The following CHN2 variants were observed in gnomAD, a reference collection of about 807,000 sequenced individuals.
The protein encoded by CHN2 is chimerin 2.
A neutral mutation model predicts 56.3 loss-of-function variants in CHN2; 35 were observed. The observed-to-expected ratio is 0.62, with a 90% CI of 0.47 to 0.82. The LOEUF is 0.82. Among genes scored for constraint, CHN2 ranks in the 40% least tolerant of loss-of-function variants. CHN2 has a pLI of 0.00. For missense variants in CHN2, 491 were observed against 580.5 expected (o/e 0.85, Z 1.58); for synonymous variants, 210 against 212.8 (o/e 0.99, Z 0.12).
rs1031785876 is a variant in CHN2, at chr7:29,296,498, T to C, written c.50-58127T>C. Among the ~76,000 whole-genome samples, 56 of 152,228 alleles carry C rather than the reference T, an allele frequency of 3.7e-4. 1 individual carries two copies. Among genetic ancestry groups the C allele is most frequent in the African/African-American group, 1.2e-3 (50 of 41,460 alleles). On this transcript the variant is annotated intron_variant, in intron 1 of 12. Coordinates refer to ENST00000222792, the MANE Select transcript of CHN2 (RefSeq NM_004067.4). Reference sequence around the variant, plus strand: ...TACTGGGTAAATGACTTGTAGTTTCTGAGTGCTGTGGAGTAAAACAATAGA... The same window carrying C: ...TACTGGGTAAATGACTTGTAGTTTCCGAGTGCTGTGGAGTAAAACAATAGA...
intron 7 of CHN2, among the ~76,000 whole-genome samples, chr7:29,493,586 G>A (rs2128564072): frequency 6.6e-6 from 1 of 152,124 alleles, no homozygotes; most frequent in Admixed American, 6.6e-5. Flanking sequence ...CCAGAAGAGT[G>A]TCTTTCCCAT....
At position 29,384,694 on chromosome 7, in the gene CHN2, C is replaced by T. The variant is rs114469954; in HGVS notation, c.145-8985C>T. ...AATATAAATAATTTTGTCAATTTGC[C>T]TTCCTCTGTTATGATATTAATACTT... On this transcript the variant is annotated intron_variant, in intron 3 of 12. Transcript: ENST00000222792. 3.9e-3 allele frequency among the ~76,000 whole-genome samples: 588 copies of T among 152,192 alleles called. 5 individuals are homozygous for T. Among genetic ancestry groups the T allele is most frequent in the African/African-American group, 0.013 (548 of 41,528 alleles).
At chr7:29,293,997 G>A (rs1442887806) in intron 1 of CHN2, among the ~76,000 whole-genome samples, 1 of 151,250 alleles carries the variant, frequency 6.6e-6, no homozygotes, top group Non-Finnish European at 1.5e-5. Context: ...CTCCCGAGTA[G>A]CTGGGACTAC....
intron 6 of CHN2, among the ~76,000 whole-genome samples, chr7:29,438,293 G>C (rs1783389047): frequency 6.6e-6 from 1 of 152,162 alleles, no homozygotes; most frequent in Non-Finnish European, 1.5e-5. Flanking sequence ...GATTCATGCA[G>C]TTCTACTTAA....
chr7:29,349,104 C>T (rs187729747), intron 1 of CHN2, among the ~76,000 whole-genome samples: 1 of 152,226 alleles, frequency 6.6e-6, no homozygotes. Context: ...AGGCATGAGA[C>T]TACACATTGT....
At position 29,310,126 on chromosome 7, in the gene CHN2, C is replaced by A. The variant is rs182390895; in HGVS notation, c.50-44499C>A. Among the ~76,000 whole-genome samples, 4 of 151,878 alleles carry A rather than the reference C, an allele frequency of 2.6e-5. No homozygotes were observed. In the East Asian group the frequency reaches 7.7e-4, roughly 29 times the overall value. Reference sequence around the variant, plus strand: ...TTTCCCTTACTTCAACATGGTTACACGGATAAAATACATTAAAATGAACAC... The same window carrying A: ...TTTCCCTTACTTCAACATGGTTACAAGGATAAAATACATTAAAATGAACAC... On this transcript the variant is annotated intron_variant, in intron 1 of 12. Transcript: ENST00000222792.
chr7:29,468,789 A>T (rs1265095589), intron 6 of CHN2, among the ~76,000 whole-genome samples: 1 of 151,988 alleles, frequency 6.6e-6, no homozygotes, highest in Non-Finnish European at 1.5e-5. Context: ...CATCATACCT[A>T]TCCTGTGAGC....
chr7:29,307,533 C>G (rs1236375548), intron 1 of CHN2, among the ~76,000 whole-genome samples: 1 of 152,176 alleles, frequency 6.6e-6, no homozygotes, highest in Non-Finnish European at 1.5e-5. Flanking sequence ...GATTGCTAAC[C>G]AGGTGACCTT....
At chr7:29,419,744 C>G (rs1804141153) in intron 6 of CHN2, among the ~76,000 whole-genome samples, 1 of 152,218 alleles carries the variant, frequency 6.6e-6, no homozygotes, top group South Asian at 2.1e-4. Context: ...AGATGCTCTA[C>G]ATCATTAATC....
intron 1 of CHN2, among the ~76,000 whole-genome samples, chr7:29,304,978 C>T (rs940055816): frequency 1.3e-5 from 2 of 152,114 alleles, no homozygotes; most frequent in East Asian, 1.9e-4. Flanking sequence ...GTCTGTTTCC[C>T]GTGAACCAGA....
intron 2 of CHN2, among the ~76,000 whole-genome samples, chr7:29,187,451 C>T (rs533714502): frequency 4.6e-5 from 7 of 152,120 alleles, no homozygotes; most frequent in South Asian, 2.1e-4. Context: ...TGGCCAGGCA[C>T]GGTGGCTCAC....
chr7:29,357,436 C>T lies in CHN2; in HGVS notation c.88+2773C>T, dbSNP rs144350164. ...TTATTTGAGTTTGGGTGTTAGACCA[C>T]GTATGAATTATCGAGCTCATGCTAC... On this transcript the variant is annotated intron_variant, in intron 2 of 12. Coordinates refer to ENST00000222792, the MANE Select transcript of CHN2 (RefSeq NM_004067.4). Among the ~76,000 whole-genome samples, 354 of 152,276 alleles carry T rather than the reference C, an allele frequency of 2.3e-3. 9 individuals carry two copies. The highest frequency in any genetic ancestry group is 0.021 in the Admixed American group (325 of 15,300).
intron 6 of CHN2, among the ~76,000 whole-genome samples, chr7:29,422,953 C>T (rs1275096320): frequency 1.3e-5 from 2 of 152,186 alleles, no homozygotes; most frequent in Middle Eastern, 3.2e-3. Context: ...GGGTGTGCTT[C>T]GTAACTTACA....
chr7:29,486,266 G>A (rs1787979836), intron 7 of CHN2, among the ~76,000 whole-genome samples: 1 of 152,218 alleles, frequency 6.6e-6, no homozygotes, highest in African/African-American at 2.4e-5. Flanking sequence ...TTGGCAGAAA[G>A]CAGGGGACCG....
At chr7:29,493,063 C>A (rs1234143245) in intron 7 of CHN2, among the ~76,000 whole-genome samples, 1 of 152,146 alleles carries the variant, frequency 6.6e-6, no homozygotes, top group Non-Finnish European at 1.5e-5. Flanking sequence ...ATGGTGAACC[C>A]ATAAGATTAT....
chr7:29,192,981 G>A (rs1783088946), upstream of CHN2: 1 of 152,280 alleles, frequency 6.6e-6, no homozygotes, highest in African/African-American at 2.4e-5. Flanking sequence ...CAAGCCAAGT[G>A]TGTGATGGGT....
At chr7:29,390,475 C>T (rs1801277461) in intron 3 of CHN2, among the ~76,000 whole-genome samples, 1 of 152,178 alleles carries the variant, frequency 6.6e-6, no homozygotes, top group African/African-American at 2.4e-5. Flanking sequence ...AGTCTTCATT[C>T]TTGTCATGAT....
chr7:29,384,620 G>T (rs555360601), intron 3 of CHN2, among the ~76,000 whole-genome samples: 37 of 152,314 alleles, frequency 2.4e-4, no homozygotes, highest in African/African-American at 8.9e-4. Flanking sequence ...ATGGGTATTT[G>T]TATGAGTGTG....
chr7:29,411,560 G>A lies in CHN2; in HGVS notation c.576+10732G>A, dbSNP rs147957469. Among the ~76,000 whole-genome samples, 40 of 152,260 alleles carry A rather than the reference G, an allele frequency of 2.6e-4. No individual in the cohort carries two copies. The East Asian group carries it at 4.6e-3, about 18-fold the overall frequency. On this transcript the variant is annotated intron_variant, in intron 6 of 12. Coordinates refer to ENST00000222792, the MANE Select transcript of CHN2 (RefSeq NM_004067.4). ...ATTCAAGGCCAAGCCGAAGGACCCCGTGTCCCTGGCTAGGGTGGTTGGTTC... is the reference window on the plus strand; with the variant it reads ...ATTCAAGGCCAAGCCGAAGGACCCCATGTCCCTGGCTAGGGTGGTTGGTTC...
Sources: allele counts gnomAD v4.1 joint callset (sites outside exome capture counted in the v4.1 genomes callset), GRCh38; gene constraint gnomAD v4.1.1; transcripts MANE v1.5; gene names NCBI Gene and HGNC (gene_info 2026-07-23, HGNC 2026-07-21).